IQGAP2: variants seen among roughly 807,000 people sequenced by gnomAD.
IQGAP2 encodes the protein ras GTPase-activating-like protein IQGAP2.
A neutral mutation model predicts 201.3 loss-of-function variants in IQGAP2; 173 were observed. The ratio of observed to expected loss-of-function variants is 0.86; its 90% confidence interval spans 0.76 to 0.98. The LOEUF (loss-of-function observed/expected upper bound fraction) is 0.98, where lower values mean the gene tolerates loss of function less well. Among genes scored for constraint, IQGAP2 ranks in the 50% least tolerant of loss-of-function variants. IQGAP2 has a pLI of 0.00. For missense variants in IQGAP2, 1,687 were observed against 1,864.8 expected (o/e 0.90, Z 1.76); for synonymous variants, 675 against 673.9 (o/e 1.00, Z -0.03).
chr5:76,639,043 A>T (rs942455792), intron 16 of IQGAP2, among the ~76,000 whole-genome samples: 1 of 152,258 alleles, frequency 6.6e-6, no homozygotes, highest in Non-Finnish European at 1.5e-5. Flanking sequence ...GAATGTGTAG[A>T]ACTGCGAATG....
At chr5:76,689,230 T>TAAAAAAAAA (rs11424254) in intron 30 of IQGAP2, among the ~76,000 whole-genome samples, 2,496 of 86,362 alleles carry the variant, frequency 0.029, 99 homozygotes, top group African/African-American at 0.034. Flanking sequence ...CAGGGATATT[T>TAAAAAAAAA]AAAAAAAAAA....
At chr5:76,690,360 T>C (rs1388158837) in intron 30 of IQGAP2, among the ~76,000 whole-genome samples, 1 of 152,212 alleles carries the variant, frequency 6.6e-6, no homozygotes, top group Non-Finnish European at 1.5e-5. Context: ...CATTTCTCTA[T>C]AGGTTTTTCA....
At chr5:76,579,166 C>G (rs1193808163) in intron 5 of IQGAP2, among the ~76,000 whole-genome samples, 1 of 152,112 alleles carries the variant, frequency 6.6e-6, no homozygotes, top group Non-Finnish European at 1.5e-5. Flanking sequence ...GGAACCTATT[C>G]TGTAAGACCC....
chr5:76,653,020 C>G lies in IQGAP2; in HGVS notation c.2178+187C>G, dbSNP rs144675982. Among the ~76,000 whole-genome samples, 425 of 152,258 alleles carry G rather than the reference C, an allele frequency of 2.8e-3. 1 individual carries two copies. Among genetic ancestry groups the G allele is most frequent in the African/African-American group, 9.8e-3 (406 of 41,554 alleles). ...TCATTTTTCAAGCAGGTTGGTTAAA[C>G]CGGTATAAAACCTCAAGTCCTTTAT... On this transcript the variant is annotated intron_variant, in intron 18 of 35. Coordinates refer to ENST00000274364, the MANE Select transcript of IQGAP2 (RefSeq NM_006633.5).
At chr5:76,488,388 G>C (rs1479276361) in intron 2 of IQGAP2, among the ~76,000 whole-genome samples, 2 of 151,920 alleles carry the variant, frequency 1.3e-5, no homozygotes, top group African/African-American at 4.8e-5. Flanking sequence ...AAAAATTATT[G>C]GTTGTTTTTT....
At chr5:76,634,650 G>A (rs958266895) in intron 15 of IQGAP2, among the ~76,000 whole-genome samples, 7 of 152,090 alleles carry the variant, frequency 4.6e-5, no homozygotes, top group Non-Finnish European at 1.0e-4. Context: ...CTCACCTCCA[G>A]ATAGAGCTAT....
chr5:76,616,869 AAAG>A (rs1436700898), intron 13 of IQGAP2: 1 of 152,090 alleles, frequency 6.6e-6, no homozygotes, highest in Non-Finnish European at 1.5e-5. Context: ...AAAAAGGAAA[AAAG>A]AAGGCAAAGG....
intron 1 of IQGAP2, among the ~76,000 whole-genome samples, chr5:76,409,964 G>A (rs1751020012): frequency 1.3e-5 from 2 of 152,194 alleles, no homozygotes; most frequent in Non-Finnish European, 1.5e-5. Context: ...TGAGAGGTGT[G>A]TGGAAATGAT....
At chr5:76,443,549 C>T (rs578257170) in intron 1 of IQGAP2, among the ~76,000 whole-genome samples, 2 of 151,710 alleles carry the variant, frequency 1.3e-5, no homozygotes, top group East Asian at 3.9e-4. Context: ...AGAATCTGAC[C>T]CCTGATTCTG....
intron 9 of IQGAP2, among the ~76,000 whole-genome samples, chr5:76,593,790 C>T (rs1746826357): frequency 6.6e-6 from 1 of 152,218 alleles, no homozygotes; most frequent in Non-Finnish European, 1.5e-5. Flanking sequence ...CTAATTACAA[C>T]AGTCCTAAAC....
At chr5:76,600,485 C>T (rs1392466100) in intron 10 of IQGAP2, among the ~76,000 whole-genome samples, 1 of 152,162 alleles carries the variant, frequency 6.6e-6, no homozygotes, top group East Asian at 1.9e-4. Context: ...TTATCTAGTC[C>T]TTGGCTTAAT....
chr5:76,461,799 T>A (rs1754470258), intron 2 of IQGAP2, 130 bp downstream of exon 2: 3 of 658,564 alleles, frequency 4.6e-6, no homozygotes, highest in Non-Finnish European at 8.0e-6. Flanking sequence ...TAGTTGGAGA[T>A]GGCCAGGGAG....
chr5:76,674,750 G>T (rs114082665), intron 27 of IQGAP2, 41 bp downstream of exon 27: 1 of 1,402,710 alleles, frequency 7.1e-7, no homozygotes, highest in Non-Finnish European at 1.0e-6. Flanking sequence ...TGCAAGAATG[G>T]TAGGCAAGAA....
intron 3 of IQGAP2, among the ~76,000 whole-genome samples, chr5:76,566,203 G>A (rs1036026776): frequency 1.3e-5 from 2 of 152,076 alleles, no homozygotes; most frequent in Non-Finnish European, 2.9e-5. Flanking sequence ...ATGGTGGCGG[G>A]GAGGCAGACT....
At chr5:76,664,943 C>G in intron 21 of IQGAP2, 83 bp from the exon 22 acceptor site, 1 of 770,906 alleles carries the variant, frequency 1.3e-6, no homozygotes. Flanking sequence ...TTTCCAATTA[C>G]GTGTGTTTCA....
chr5:76,686,340 T>TTTGTTG (rs900661142), intron 30 of IQGAP2, among the ~76,000 whole-genome samples: 1 of 140,000 alleles, frequency 7.1e-6, no homozygotes, highest in Non-Finnish European at 1.5e-5. Context: ...ATCTGTTTTT[T>TTTGTTG]TTGTTGTTGT....
At chr5:76,673,863 G>A (rs1744570825) in intron 25 of IQGAP2, 89 bp from the exon 26 acceptor site, 1 of 829,346 alleles carries the variant, frequency 1.2e-6, no homozygotes, top group South Asian at 1.5e-5. Context: ...AAACTACTCA[G>A]CTGAAGTTGA....
chr5:76,664,019 A>G (rs1372203571), intron 21 of IQGAP2, among the ~76,000 whole-genome samples: 11 of 152,320 alleles, frequency 7.2e-5, no homozygotes, highest in African/African-American at 2.6e-4. Context: ...TTAATCATTC[A>G]TGTGTTCACT....
intron 1 of IQGAP2, among the ~76,000 whole-genome samples, chr5:76,412,135 C>A (rs1412480152): frequency 6.6e-6 from 1 of 152,088 alleles, no homozygotes; most frequent in Admixed American, 6.5e-5. Context: ...CATAAGTGCA[C>A]CCAGGTCATT....
Sources: allele counts gnomAD v4.1 joint callset (sites outside exome capture counted in the v4.1 genomes callset), GRCh38; gene constraint gnomAD v4.1.1; transcripts MANE v1.5; gene names NCBI Gene and HGNC (gene_info 2026-07-23, HGNC 2026-07-21).